GDAP1: variants seen among roughly 807,000 people sequenced by gnomAD.
The protein encoded by GDAP1 is ganglioside-induced differentiation-associated protein 1.
In GDAP1, 34 loss-of-function variants were observed where a neutral mutation model predicts 40.1. The observed-to-expected ratio is 0.85, with a 90% CI of 0.64 to 1.13. The LOEUF (loss-of-function observed/expected upper bound fraction) is 1.13. Among genes scored for constraint, GDAP1 ranks in the 50% most tolerant of loss-of-function variants. The probability of loss-of-function intolerance (pLI) is 0.00; values close to 1 mark genes in which losing one functional copy is unlikely to be tolerated. For synonymous variants in GDAP1, 170 were observed against 157.4 expected (o/e 1.08, Z -0.60); for missense variants, 374 against 433.7 (o/e 0.86, Z 1.22).
At position 74,422,329 on chromosome 8, in the gene GDAP1, CTTT is replaced by C. The variant is rs1563465353; in HGVS notation, c.166-66348_166-66346del. Among the ~76,000 whole-genome samples, 530 of 54,728 alleles carry C rather than the reference CTTT, an allele frequency of 9.7e-3. 13 individuals are homozygous for C. Among genetic ancestry groups the C allele is most frequent in the African/African-American group, 0.046 (487 of 10,534 alleles). 35.9% of individuals were successfully genotyped at this position (54,728 alleles called of 152,430 possible). A position where few individuals can be genotyped will look rare whatever the true frequency, so the allele number is the denominator to read the frequency against. On this transcript the variant is annotated intron_variant, in intron 2 of 2. Transcript: ENST00000523640. ...TCTTTCTTTCTTTCTTTCTTTCTTTCTTTCTTTCTTTCTTTCTTTCTTCCCTTC... is the reference window on the plus strand; with the variant it reads ...TCTTTCTTTCTTTCTTTCTTTCTTTCCTTTCTTTCTTTCTTTCTTCCCTTC...
chr8:74,441,569 A>G (rs1482665452), intron 2 of GDAP1, among the ~76,000 whole-genome samples: 1 of 152,160 alleles, frequency 6.6e-6, no homozygotes, highest in Non-Finnish European at 1.5e-5. Flanking sequence ...AGGGCTTACT[A>G]TGTAAAACAA....
intron 2 of GDAP1, among the ~76,000 whole-genome samples, chr8:74,463,437 G>A (rs949041023): frequency 6.8e-6 from 1 of 147,518 alleles, no homozygotes; most frequent in Non-Finnish European, 1.5e-5. Context: ...CTCCAGCTTG[G>A]GTGACAGAGC....
intron 2 of GDAP1, among the ~76,000 whole-genome samples, chr8:74,398,670 A>T (rs1278576090): frequency 6.6e-6 from 1 of 152,126 alleles, no homozygotes; most frequent in African/African-American, 2.4e-5. Context: ...ATTCAGTATG[A>T]TATTGGCTGT....
chr8:74,417,832 CAAGT>C (rs1313854954), intron 2 of GDAP1, among the ~76,000 whole-genome samples: 2 of 127,740 alleles, frequency 1.6e-5, no homozygotes, highest in Admixed American at 7.3e-5. Flanking sequence ...TGTAAATTAA[CAAGT>C]GAGTTTATCA....
At chr8:74,359,165 CTTTAG>C (rs971615982) in intron 2 of GDAP1, among the ~76,000 whole-genome samples, 18 of 152,184 alleles carry the variant, frequency 1.2e-4, no homozygotes, top group Non-Finnish European at 2.1e-4. Flanking sequence ...AATCAGATGA[CTTTAG>C]TTCTAGCTCT....
intron 2 of GDAP1, among the ~76,000 whole-genome samples, chr8:74,443,169 G>A (rs1328419082): frequency 6.6e-6 from 1 of 152,190 alleles, no homozygotes; most frequent in Non-Finnish European, 1.5e-5. Flanking sequence ...TGAGCCTGGA[G>A]TACTGGTATA....
At chr8:74,353,330 A>G (rs796158924) in intron 2 of GDAP1, among the ~76,000 whole-genome samples, 13 of 152,334 alleles carry the variant, frequency 8.5e-5, no homozygotes, top group African/African-American at 2.9e-4. Flanking sequence ...TGCTGCCACT[A>G]ACTTGTTGAA....
chr8:74,370,444 A>C (rs1426987000), downstream of GDAP1, among the ~76,000 whole-genome samples: 1 of 152,232 alleles, frequency 6.6e-6, no homozygotes, highest in Non-Finnish European at 1.5e-5. Flanking sequence ...AAGTAGTGTC[A>C]AGGGTGAAGT....
chr8:74,365,218 A>G lies in GDAP1; in HGVS notation c.*851A>G, dbSNP rs1420796240. ...TGATCTGGGAGCACCAAATATGTTC[A>G]TTCTTCGTTTGGGGAGGCTGGTCTG... On this transcript the variant is annotated 3_prime_UTR_variant, in exon 6 of 6. Transcript: ENST00000220822. 6 of 453,956 alleles carry G rather than the reference A, an allele frequency of 1.3e-5. No homozygotes were observed. The highest frequency in any genetic ancestry group is 7.0e-5 in the Admixed American group (3 of 42,554). 28.1% of individuals were successfully genotyped at this position (453,956 alleles called of 1,614,324 possible). A position where few individuals can be genotyped will look rare whatever the true frequency, so the allele number is the denominator to read the frequency against.
intron 2 of GDAP1, among the ~76,000 whole-genome samples, chr8:74,355,074 G>A (rs149231655): frequency 0.015 from 2,283 of 152,152 alleles, 40 homozygotes; most frequent in African/African-American, 0.051. Flanking sequence ...TTGTACTTTC[G>A]GGATAGTTCA....
chr8:74,374,208 C>G (rs1039685247), intron 2 of GDAP1, among the ~76,000 whole-genome samples: 6 of 152,086 alleles, frequency 3.9e-5, no homozygotes, highest in Admixed American at 3.9e-4. Context: ...GGATATTGGT[C>G]TAACATTCTC....
At chr8:74,434,361 A>G (rs1232465274) in intron 2 of GDAP1, among the ~76,000 whole-genome samples, 1 of 152,230 alleles carries the variant, frequency 6.6e-6, no homozygotes, top group Non-Finnish European at 1.5e-5. Flanking sequence ...GCATTTGTCA[A>G]TACAAATGCT....
At chr8:74,372,798 T>C (rs1809777899) in intron 2 of GDAP1, among the ~76,000 whole-genome samples, 1 of 152,246 alleles carries the variant, frequency 6.6e-6, no homozygotes, top group African/African-American at 2.4e-5. Context: ...ATTTTGGCTT[T>C]GGTTGCCATT....
intron 2 of GDAP1, among the ~76,000 whole-genome samples, chr8:74,462,540 G>A (rs1806413986): frequency 6.6e-6 from 1 of 152,152 alleles, no homozygotes; most frequent in African/African-American, 2.4e-5. Context: ...GCAGAAGCAA[G>A]CAATTTTATA....
In GDAP1 at chr8:74,452,562, C is replaced by A. The variant is rs1806302738; in HGVS notation, c.166-36116C>A. Among the ~76,000 whole-genome samples, 2 of 83,346 alleles carry A rather than the reference C, an allele frequency of 2.4e-5. 1 individual carries two copies. The highest frequency in any genetic ancestry group is 1.1e-3 in the South Asian group (2 of 1,832). 54.7% of individuals were successfully genotyped at this position (83,346 alleles called of 152,430 possible). ...CTGTTACCTTCAATCTTCTGTTAAG[C>A]CCAAGAAATGAATATACATATTTTT... On this transcript the variant is annotated intron_variant, in intron 2 of 2. Coordinates refer to the GDAP1 transcript ENST00000523640.
downstream of GDAP1, among the ~76,000 whole-genome samples, chr8:74,369,273 G>A (rs1389231273): frequency 1.3e-5 from 2 of 152,078 alleles, no homozygotes; most frequent in Non-Finnish European, 2.9e-5. Context: ...AAAGTTATAG[G>A]ACTGTTGTTG....
chr8:74,396,623 G>A (rs1810204354), intron 2 of GDAP1, among the ~76,000 whole-genome samples: 1 of 150,942 alleles, frequency 6.6e-6, no homozygotes, highest in Admixed American at 6.7e-5. Flanking sequence ...TTTTGTCCTT[G>A]CGATAGTTTA....
At chr8:74,435,931 G>T (rs1034864224) in intron 2 of GDAP1, among the ~76,000 whole-genome samples, 2 of 152,176 alleles carry the variant, frequency 1.3e-5, no homozygotes, top group Non-Finnish European at 2.9e-5. Context: ...GCACATAAAT[G>T]TTAATGAGTA....
intron 2 of GDAP1, among the ~76,000 whole-genome samples, chr8:74,377,814 C>A (rs1383431599): frequency 1.3e-5 from 2 of 152,196 alleles, no homozygotes; most frequent in African/African-American, 4.8e-5. Flanking sequence ...CATGTTTGTG[C>A]AGGCTTTCAC....
Sources: gnomAD v4.1 joint callset for allele counts (sites outside exome capture counted in the v4.1 genomes callset) on GRCh38, gnomAD v4.1.1 for gene constraint, MANE v1.5 for transcripts, NCBI Gene and HGNC (gene_info 2026-07-23, HGNC 2026-07-21) for gene names.